Variants in CFAP299 observed in about 807,000 individuals in gnomAD.
CFAP299 encodes cilia- and flagella-associated protein 299.
CFAP299 carries 21 observed loss-of-function variants against 27.0 expected under a neutral mutation model. The ratio of observed to expected loss-of-function variants is 0.78; its 90% CI spans 0.55 to 1.12. The LOEUF (loss-of-function observed/expected upper bound fraction) is 1.12. Among genes scored for constraint, CFAP299 ranks in the 50% most tolerant of loss-of-function variants. The pLI, the probability that CFAP299 is intolerant of heterozygous loss-of-function variation, is 0.00. For synonymous variants in CFAP299, 104 were observed against 98.1 expected (o/e 1.06, Z -0.36); for missense variants, 310 against 276.6 (o/e 1.12, Z -0.86).
chr4:80,687,789 A>C (rs1046648767), intron 3 of CFAP299, among the ~76,000 whole-genome samples: 2 of 152,144 alleles, frequency 1.3e-5, no homozygotes, highest in Non-Finnish European at 2.9e-5. Flanking sequence ...GGTTCATCTC[A>C]CTAGGGAGTG....
intron 3 of CFAP299, among the ~76,000 whole-genome samples, chr4:80,661,953 G>A (rs2109982462): frequency 6.6e-6 from 1 of 152,238 alleles, no homozygotes; most frequent in East Asian, 1.9e-4. Context: ...GTCTCCCATA[G>A]CGCTCTCAGG....
chr4:80,398,785 G>A (rs985611655), intron 2 of CFAP299, among the ~76,000 whole-genome samples: 1 of 152,124 alleles, frequency 6.6e-6, no homozygotes, highest in Non-Finnish European at 1.5e-5. Context: ...CATGGGCAAG[G>A]ACTTCATGTC....
At chr4:80,626,239 G>A (rs548536278) in intron 3 of CFAP299, among the ~76,000 whole-genome samples, 1 of 152,036 alleles carries the variant, frequency 6.6e-6, no homozygotes, top group South Asian at 2.1e-4. Context: ...AATTAGAGGA[G>A]ACACTTTGGA....
rs533702683 is a variant in CFAP299 at position 80,488,023 on chromosome 4, A to G, written c.243-95070A>G. On this transcript the variant is annotated intron_variant, in intron 2 of 5. Coordinates refer to ENST00000358105, the MANE Select transcript of CFAP299 (RefSeq NM_152770.3). Reference sequence around the variant, plus strand: ...AGTTTTTAAAACATCATGACCACAAATAGGCTTGATACCAAAAGTTAATAA... The same window carrying G: ...AGTTTTTAAAACATCATGACCACAAGTAGGCTTGATACCAAAAGTTAATAA... Among the ~76,000 whole-genome samples, 6 of 152,334 alleles carry G rather than the reference A, an allele frequency of 3.9e-5. No homozygotes were observed. In the South Asian group the frequency reaches 1.0e-3, roughly 26 times the overall value.
chr4:80,645,519 G>A (rs573897687), intron 3 of CFAP299, among the ~76,000 whole-genome samples: 1 of 152,140 alleles, frequency 6.6e-6, no homozygotes, highest in South Asian at 2.1e-4. Context: ...TTGTATCTAT[G>A]TCAAGTTATC....
intron 3 of CFAP299, among the ~76,000 whole-genome samples, chr4:80,715,226 C>A (rs1269153116): frequency 2.6e-5 from 4 of 152,044 alleles, no homozygotes; most frequent in Non-Finnish European, 5.9e-5. Flanking sequence ...TATATAAACA[C>A]AATGATTCTG....
intron 3 of CFAP299, among the ~76,000 whole-genome samples, chr4:80,864,932 A>G (rs369612303): frequency 6.6e-6 from 1 of 152,188 alleles, no homozygotes; most frequent in African/African-American, 2.4e-5. Context: ...TTTAAAATGT[A>G]TTACTAACTT....
intron 2 of CFAP299, among the ~76,000 whole-genome samples, chr4:80,376,589 A>G (rs1350232285): frequency 6.6e-6 from 1 of 152,162 alleles, no homozygotes; most frequent in African/African-American, 2.4e-5. Context: ...TTGACAGTTA[A>G]AAAAATTTAG....
At chr4:80,610,641 A>T (rs1737919096) in intron 3 of CFAP299, among the ~76,000 whole-genome samples, 1 of 152,198 alleles carries the variant, frequency 6.6e-6, no homozygotes, top group South Asian at 2.1e-4. Flanking sequence ...TTTTTAAAAA[A>T]AGTTTTCATC....
At chr4:80,744,425 G>T (rs562919779) in intron 3 of CFAP299, among the ~76,000 whole-genome samples, 1 of 144,280 alleles carries the variant, frequency 6.9e-6, no homozygotes, top group African/African-American at 2.5e-5. Flanking sequence ...GGAGGGAGGG[G>T]AATTATGGAA....
chr4:80,940,400 A>G (rs1257864256), intron 4 of CFAP299, among the ~76,000 whole-genome samples: 2 of 152,180 alleles, frequency 1.3e-5, no homozygotes, highest in Admixed American at 6.5e-5. Flanking sequence ...GGGAGAAATC[A>G]TGGGCCTGCG....
At chr4:80,854,172 A>G (rs139117219) in intron 3 of CFAP299, among the ~76,000 whole-genome samples, 1 of 152,302 alleles carries the variant, frequency 6.6e-6, no homozygotes, top group African/African-American at 2.4e-5. Context: ...ACATTTCACA[A>G]AAAGAGGTGG....
chr4:80,413,426 A>G (rs1495485), intron 2 of CFAP299, among the ~76,000 whole-genome samples: 141,920 of 152,166 alleles, frequency 0.93, 66,882 homozygotes, highest in East Asian at 1. Context: ...CTAGGTAGAC[A>G]GAAACTAACA....
At position 80,360,496 on chromosome 4, in the gene CFAP299, G is replaced by A. The variant is rs139723720; in HGVS notation, c.112-2258G>A. Among the ~76,000 whole-genome samples, 162 of 152,312 alleles carry A rather than the reference G, an allele frequency of 1.1e-3. 3 individuals carry two copies. The highest frequency in any genetic ancestry group is 3.7e-3 in the African/African-American group (154 of 41,580). ...GGATTGACAGCCTATACCCCAAGATGTCAGTGATTATCTCTGAGTGATAAG... is the reference window on the plus strand; with the variant it reads ...GGATTGACAGCCTATACCCCAAGATATCAGTGATTATCTCTGAGTGATAAG... On this transcript the variant is annotated intron_variant, in intron 1 of 5. Coordinates refer to ENST00000358105, the MANE Select transcript of CFAP299 (RefSeq NM_152770.3).
intron 4 of CFAP299, among the ~76,000 whole-genome samples, chr4:80,895,683 C>G (rs1734578433): frequency 6.6e-6 from 1 of 151,882 alleles, no homozygotes; most frequent in Non-Finnish European, 1.5e-5. Context: ...GATTTCAATC[C>G]CTCCTTCTGT....
At chr4:80,716,680 A>G (rs1265964174) in intron 3 of CFAP299, among the ~76,000 whole-genome samples, 1 of 152,118 alleles carries the variant, frequency 6.6e-6, no homozygotes, top group Non-Finnish European at 1.5e-5. Context: ...AGTTTGTACC[A>G]CTGAGTGAAA....
chr4:80,331,801 A>G (rs1426838391), upstream of CFAP299, among the ~76,000 whole-genome samples: 1 of 152,196 alleles, frequency 6.6e-6, no homozygotes, highest in East Asian at 1.9e-4. Flanking sequence ...GACCTAGTTA[A>G]TTATATAGAT....
rs375003409 is a variant in CFAP299, at chr4:80,433,455, C to T, written c.242+70571C>T. ...GAAAGAATACTTTACCTTAAAAAAA[C>T]GAACACTTCGAGTTCTGCTTTTCTC... On this transcript the variant is annotated intron_variant, in intron 2 of 5. Coordinates refer to ENST00000358105, the MANE Select transcript of CFAP299 (RefSeq NM_152770.3). Among the ~76,000 whole-genome samples the T allele has an allele frequency of 1.2e-4, 18 of 152,096 alleles. No individual in the cohort carries two copies. The South Asian group carries it at 2.1e-3, about 18-fold the overall frequency.
At chr4:80,335,509 T>G (rs771381036), upstream of CFAP299, among the ~76,000 whole-genome samples, 6 of 152,212 alleles carry the variant, frequency 3.9e-5, no homozygotes, top group Non-Finnish European at 7.3e-5. Context: ...GATTGCAGTT[T>G]GCACCTCTCT....
Sources: allele counts gnomAD v4.1 joint callset (sites outside exome capture counted in the v4.1 genomes callset), GRCh38; gene constraint gnomAD v4.1.1; transcripts MANE v1.5; gene names NCBI Gene and HGNC (gene_info 2026-07-23, HGNC 2026-07-21).